Variants in FAM135A observed in about 807,000 individuals in gnomAD.
FAM135A encodes the protein family with sequence similarity 135 member A, also known as protein FAM135A.
A neutral mutation model predicts 146.8 loss-of-function variants in FAM135A; 79 were observed. The observed-to-expected ratio is 0.54, with a 90% CI of 0.45 to 0.65. FAM135A has a LOEUF of 0.65. FAM135A is among the 30% of genes least tolerant of loss of function. FAM135A has a pLI of 0.00. For missense variants in FAM135A, 1,623 were observed against 1,758.2 expected (o/e 0.92, Z 1.38); for synonymous variants, 562 against 603.6 (o/e 0.93, Z 1.01).
intron 2 of FAM135A, among the ~76,000 whole-genome samples, chr6:70,422,069 G>A (rs1015823941): frequency 2.0e-5 from 3 of 152,202 alleles, no homozygotes; most frequent in Non-Finnish European, 4.4e-5. Context: ...TTCGCCCACA[G>A]AATGAATTTG....
chr6:70,450,982 A>G (rs1381190573), intron 4 of FAM135A, among the ~76,000 whole-genome samples: 1 of 151,636 alleles, frequency 6.6e-6, no homozygotes. Flanking sequence ...ACCTCAAGTG[A>G]TCCTCCTGCC....
chr6:70,475,822 C>A, intron 7 of FAM135A, 89 bp downstream of exon 7: 1 of 1,000,302 alleles, frequency 1.0e-6, no homozygotes, highest in Non-Finnish European at 1.5e-6. Flanking sequence ...TAAAATTCAT[C>A]CTATCCCTAT....
chr6:70,414,999 T>A (rs768041187), intron 1 of FAM135A, among the ~76,000 whole-genome samples: 1 of 152,262 alleles, frequency 6.6e-6, no homozygotes, highest in African/African-American at 2.4e-5. Context: ...ATACATTTGC[T>A]ATTGCAATTG....
rs1426140532 is a variant in FAM135A at position 70,413,650 on chromosome 6, A to G, written c.-272A>G. 2.2e-5 allele frequency: 6 copies of G among 275,244 alleles called. No homozygotes were observed. Among genetic ancestry groups the G allele is most frequent in the Non-Finnish European group, 3.3e-5 (6 of 180,222 alleles). 17.1% of individuals were successfully genotyped at this position (275,244 alleles called of 1,614,324 possible). A position where few individuals can be genotyped will look rare whatever the true frequency, so the allele number is the denominator to read the frequency against. On this transcript the variant is annotated 5_prime_UTR_variant, in exon 1 of 22. Transcript: ENST00000418814. ...GGTCGGGCCGTCTTCTTGCAGCTGGACAACGAGCTCCTCCGTTCGACAGGC... is the reference window on the plus strand; with the variant it reads ...GGTCGGGCCGTCTTCTTGCAGCTGGGCAACGAGCTCCTCCGTTCGACAGGC...
At chr6:70,432,484 A>G (rs1014658415) in intron 4 of FAM135A, among the ~76,000 whole-genome samples, 2 of 151,292 alleles carry the variant, frequency 1.3e-5, no homozygotes, top group Non-Finnish European at 1.5e-5. Flanking sequence ...GCCCTTTGCA[A>G]CTTTCTGTCT....
At chr6:70,450,075 C>A (rs985096469) in intron 4 of FAM135A, among the ~76,000 whole-genome samples, 1 of 152,162 alleles carries the variant, frequency 6.6e-6, no homozygotes, top group Non-Finnish European at 1.5e-5. Context: ...AATGTTTATT[C>A]ATGCACTTTG....
At chr6:70,413,842 T>C (rs1352499568) in intron 1 of FAM135A, 140 bp downstream of exon 1, 6 of 985,274 alleles carry the variant, frequency 6.1e-6, no homozygotes, top group Middle Eastern at 5.2e-4. Context: ...CTCACCCGAC[T>C]GCTGGCGGTC....
Position 70,525,170 on chromosome 6 carries a change from T to C in FAM135A, c.2086T>C (p.Phe696Leu). ...EILVDNLLPN[F>L]ESLESNGKSK... Reference sequence around the variant, plus strand: ...ACTTGTGGATAATTTACTACCCAACTTTGAGTCCTTAGAATCTAATGGTAA... The same window carrying C: ...ACTTGTGGATAATTTACTACCCAACCTTGAGTCCTTAGAATCTAATGGTAA... The change falls in exon 15 of 22, where the codon TTT becomes CTT. Residue 696 changes from phenylalanine (F) to leucine (L), a missense_variant. Phe to Leu is a conservative substitution (Grantham distance 22). Around this residue, in one of 7 missense-constraint regions of FAM135A, gnomAD observed 1,061 missense variants for 1,113.8 expected, o/e 0.95. Transcript: ENST00000418814. 1 of 1,587,976 alleles carries C rather than the reference T, an allele frequency of 6.3e-7. No homozygotes were observed. Among genetic ancestry groups the C allele is most frequent in the Non-Finnish European group, 8.5e-7 (1 of 1,170,844 alleles).
intron 21 of FAM135A, among the ~76,000 whole-genome samples, chr6:70,558,741 C>A (rs1471238334): frequency 6.6e-6 from 1 of 152,150 alleles, no homozygotes; most frequent in African/African-American, 2.4e-5. Context: ...ATTGCTTGAG[C>A]CTGTGATGTG....
At chr6:70,452,255 A>G (rs1777261064) in intron 4 of FAM135A, among the ~76,000 whole-genome samples, 1 of 151,958 alleles carries the variant, frequency 6.6e-6, no homozygotes. Context: ...TATTATATGT[A>G]TTGTATCTGT....
rs58125338 is a variant in FAM135A, at chr6:70,459,827, A to G, written c.157+7256A>G. ...GGCAGATTACGAGGTCAGGAGTTCG[A>G]GACAAGCCTGACCAACATCGTGAAA... On this transcript the variant is annotated intron_variant, in intron 5 of 21. Transcript: ENST00000418814. 4.1e-3 allele frequency among the ~76,000 whole-genome samples: 620 copies of G among 152,254 alleles called. 3 individuals are homozygous for G. Among genetic ancestry groups the G allele is most frequent in the African/African-American group, 0.014 (600 of 41,556 alleles).
chr6:70,559,352 A>C (rs1173155816), intron 21 of FAM135A, among the ~76,000 whole-genome samples: 1 of 151,982 alleles, frequency 6.6e-6, no homozygotes, highest in Non-Finnish European at 1.5e-5. Flanking sequence ...GAGACAGGAG[A>C]ATGGCTTGAA....
chr6:70,414,097 T>G, intron 1 of FAM135A: 3 of 955,478 alleles, frequency 3.1e-6, no homozygotes, highest in Non-Finnish European at 2.5e-6. Context: ...ATCCCGCGCC[T>G]CCCACGTGTC....
In FAM135A at chr6:70,482,173, G is replaced by A. The variant is rs1166903255; in HGVS notation, c.823+19G>A. 6.2e-7 allele frequency: 1 copy of A among 1,611,352 alleles called. No individual in the cohort carries two copies. Among genetic ancestry groups the A allele is most frequent in the Admixed American group, 1.7e-5 (1 of 59,770 alleles). On this transcript the variant is annotated intron_variant, in intron 10 of 21. Coordinates refer to ENST00000418814, the MANE Select transcript of FAM135A (RefSeq NM_001162529.3). ...GAACTGGGTATGTTAAAAGTAGCGA[G>A]ACTTATTCTACAGTTCAAATCATTC...
chr6:70,475,212 A>G (rs929932639), intron 5 of FAM135A, among the ~76,000 whole-genome samples, 198 bp from the exon 6 acceptor site: 4 of 152,214 alleles, frequency 2.6e-5, no homozygotes, highest in Non-Finnish European at 4.4e-5. Context: ...CAGTAATTTT[A>G]CAATGCTCAT....
chr6:70,448,231 G>C (rs573753006), intron 4 of FAM135A, among the ~76,000 whole-genome samples: 3 of 152,276 alleles, frequency 2.0e-5, no homozygotes, highest in Middle Eastern at 6.8e-3. Context: ...ACATAATAAT[G>C]AGGGGATGCA....
intron 5 of FAM135A, among the ~76,000 whole-genome samples, chr6:70,465,072 T>G (rs1379935440): frequency 2.0e-5 from 3 of 152,026 alleles, no homozygotes; most frequent in Non-Finnish European, 4.4e-5. Flanking sequence ...CACATTCTGC[T>G]TTCTGTTTCT....
intron 10 of FAM135A, among the ~76,000 whole-genome samples, chr6:70,483,031 T>G (rs1164473786): frequency 6.6e-6 from 1 of 152,170 alleles, no homozygotes. Flanking sequence ...TTAACAATAT[T>G]AGTCCACTCC....
At chr6:70,417,206 A>C (rs184364096) in intron 2 of FAM135A, among the ~76,000 whole-genome samples, 2 of 152,214 alleles carry the variant, frequency 1.3e-5, no homozygotes, top group African/African-American at 4.8e-5. Flanking sequence ...ATCATACAGA[A>C]TATAGAACAT....
Sources: gnomAD v4.1 joint callset for allele counts (sites outside exome capture counted in the v4.1 genomes callset) on GRCh38, gnomAD v4.1.1 for gene constraint, gnomAD v4.1.1 regional missense constraint, MANE v1.5 for transcripts, NCBI Gene and HGNC (gene_info 2026-07-23, HGNC 2026-07-21) for gene names.